Variants in ATP9B observed in about 807,000 individuals in gnomAD.
ATP9B encodes ATPase phospholipid transporting 9B.
Under a neutral mutation model 146.1 loss-of-function variants are expected in ATP9B, and 110 were observed. The observed-to-expected ratio is 0.75, with a 90% CI of 0.65 to 0.88. The LOEUF (loss-of-function observed/expected upper bound fraction) is 0.88, where lower values mean the gene tolerates loss of function less well. Among genes scored for constraint, ATP9B ranks in the 40% least tolerant of loss-of-function variants. ATP9B has a pLI of 0.00. For synonymous variants in ATP9B, 604 were observed against 569.7 expected, an observed-to-expected ratio of 1.06 and a Z score of -0.86; for missense variants, 1,499 against 1,496.4, an observed-to-expected ratio of 1.00 and a Z score of -0.03.
chr18:79,125,453 C>T (rs556559934), intron 4 of ATP9B, among the ~76,000 whole-genome samples: 1 of 152,246 alleles, frequency 6.6e-6, no homozygotes, highest in South Asian at 2.1e-4. Flanking sequence ...TTAATTTGGC[C>T]TATTGGTTAT....
chr18:79,296,374 A>T (rs575278123), intron 13 of ATP9B, among the ~76,000 whole-genome samples: 1 of 152,218 alleles, frequency 6.6e-6, no homozygotes, highest in East Asian at 1.9e-4. Flanking sequence ...TCAAAAATCA[A>T]TTACTGTAAA....
chr18:79,238,523 G>A (rs2095862555), intron 11 of ATP9B, among the ~76,000 whole-genome samples: 1 of 152,170 alleles, frequency 6.6e-6, no homozygotes, highest in Non-Finnish European at 1.5e-5. Context: ...CCCCCTCCGT[G>A]TACTCCCTGG....
Position 79,359,454 on chromosome 18 carries a change from C to T in ATP9B, c.3004C>T (p.Leu1002Phe), listed in dbSNP as rs1358576933. The T allele has an allele frequency of 2.5e-6, 4 of 1,613,216 alleles. No individual in the cohort carries two copies. The highest frequency in any genetic ancestry group is 1.1e-5 in the South Asian group (1 of 91,048). ...GCTCTACCCGGAGCTGTACAAGGAC[C>T]TCACCAAGGTACGGGCCTCAGGCAA... ...AMLYPELYKD[L>F]TKGRSLSFKT... The change falls in exon 26 of 30, where the codon CTC becomes TTC. Residue 1002 changes from leucine (L) to phenylalanine (F), a missense_variant. Transcript: ENST00000426216.
At chr18:79,154,590 A>G (rs762895570) in intron 7 of ATP9B, 35 bp downstream of exon 7, 4 of 1,409,306 alleles carry the variant, frequency 2.8e-6, no homozygotes, top group Non-Finnish European at 3.8e-6. Flanking sequence ...ACCTAACTGT[A>G]TATTATTGCA....
chr18:79,329,466 A>T (rs1645265649), intron 16 of ATP9B, among the ~76,000 whole-genome samples, 164 bp downstream of exon 16: 1 of 151,402 alleles, frequency 6.6e-6, no homozygotes, highest in South Asian at 2.1e-4. Flanking sequence ...CTAATAATCT[A>T]TATCTGGGAA....
chr18:79,129,035 A>G (rs551055455), intron 5 of ATP9B, among the ~76,000 whole-genome samples: 1 of 152,270 alleles, frequency 6.6e-6, no homozygotes, highest in Non-Finnish European at 1.5e-5. Flanking sequence ...TTCTGCCTCT[A>G]ACCAGTCGGG....
chr18:79,219,036 A>G (rs2095654452), intron 11 of ATP9B, among the ~76,000 whole-genome samples: 1 of 152,244 alleles, frequency 6.6e-6, no homozygotes. Flanking sequence ...CCAGGATAAG[A>G]ATAATGAATG....
At chr18:79,087,758 A>G (rs1402430919) in intron 1 of ATP9B, 5 of 152,306 alleles carry the variant, frequency 3.3e-5, no homozygotes, top group East Asian at 3.9e-4. Context: ...TGTGCCTTCC[A>G]GTACTTGAGA....
At chr18:79,080,880 G>A (rs1443464929) in intron 1 of ATP9B, among the ~76,000 whole-genome samples, 5 of 151,724 alleles carry the variant, frequency 3.3e-5, no homozygotes, top group African/African-American at 9.7e-5. Flanking sequence ...TGAGATAATC[G>A]TGGTTTTTGT....
chr18:79,259,392 A>G lies in ATP9B; in HGVS notation c.1268+5851A>G, dbSNP rs116620020. ...TACCATTGTAGTTGATAATGCAAAAACTGTCTTATCAGTGCTGGGTCAGAG... is the reference window on the plus strand; with the variant it reads ...TACCATTGTAGTTGATAATGCAAAAGCTGTCTTATCAGTGCTGGGTCAGAG... On this transcript the variant is annotated intron_variant, in intron 12 of 29. Transcript: ENST00000426216. 1.4e-3 allele frequency among the ~76,000 whole-genome samples: 205 copies of G among 151,716 alleles called. 1 individual carries two copies. The highest frequency in any genetic ancestry group is 4.8e-3 in the African/African-American group (197 of 41,288).
chr18:79,226,133 GC>G (rs988411045), intron 11 of ATP9B, among the ~76,000 whole-genome samples: 2 of 152,214 alleles, frequency 1.3e-5, no homozygotes, highest in African/African-American at 2.4e-5. Flanking sequence ...TGGCCGCTCT[GC>G]CGCCCTCTCT....
rs772906402 is a variant in ATP9B at position 79,193,218 on chromosome 18, G to A, written c.909G>A (p.Gln303=). The part of the protein sequence containing the change: ...LFSISAYVYA[Q]KPQMDIHSFE... ...CTATCAGTGCTTATGTTTATGCTCA[G>A]AAACCACAAATGGACATTCACAGTT... Residue 303 remains glutamine, a synonymous_variant, in exon 9 of 30, where the codon CAG becomes CAA. Coordinates refer to ENST00000426216, the MANE Select transcript of ATP9B (RefSeq NM_198531.5). 2.3e-5 allele frequency: 37 copies of A among 1,611,920 alleles called. No individual in the cohort carries two copies. Among genetic ancestry groups the A allele is most frequent in the Non-Finnish European group, 3.1e-5 (36 of 1,178,332 alleles).
At chr18:79,147,525 C>G (rs904824400) in intron 6 of ATP9B, among the ~76,000 whole-genome samples, 1 of 142,826 alleles carries the variant, frequency 7.0e-6, no homozygotes, top group Non-Finnish European at 1.5e-5. Flanking sequence ...AAATCAGTAA[C>G]CAAGGCAGCA....
chr18:79,289,127 A>C lies in ATP9B; in HGVS notation c.1411+11931A>C, dbSNP rs892782993. Among the ~76,000 whole-genome samples, 14 of 151,898 alleles carry C rather than the reference A, an allele frequency of 9.2e-5. No individual in the cohort carries two copies. The South Asian group carries it at 1.7e-3, about 18-fold the overall frequency. On this transcript the variant is annotated intron_variant, in intron 13 of 29. Transcript: ENST00000426216. ...CTCTTCTCGAGGAGTATCTTTGTGG[A>C]GTTCTCTGTATTTCCTGAATCTGAA...
In ATP9B at chr18:79,081,024, T is replaced by C. The variant is rs150649883; in HGVS notation, c.119+11495T>C. On this transcript the variant is annotated intron_variant, in intron 1 of 29. Coordinates refer to ENST00000426216, the MANE Select transcript of ATP9B (RefSeq NM_198531.5). Reference sequence around the variant, plus strand: ...TGTGCTGCTGGATTCGGTTTGCCAGTATTTTATTGAGGATTTTCACATTGA... The same window carrying C: ...TGTGCTGCTGGATTCGGTTTGCCAGCATTTTATTGAGGATTTTCACATTGA... 4.9e-3 allele frequency among the ~76,000 whole-genome samples: 742 copies of C among 152,354 alleles called. 5 individuals carry two copies. The highest frequency in any genetic ancestry group is 0.024 in the South Asian group (118 of 4,826).
Position 79,307,353 on chromosome 18 carries a change from A to G in ATP9B, c.1773+119A>G, listed in dbSNP as rs191456064. On this transcript the variant is annotated intron_variant, in intron 15 of 29. Transcript: ENST00000426216. ...GAGCAGTTTATCGTAGCTTTAATGT[A>G]TGTTTTAGCTGTATGTGGAAAACTG... 1,564 of 1,440,006 alleles carry G rather than the reference A, an allele frequency of 1.1e-3. 2 individuals are homozygous for G. Among genetic ancestry groups the G allele is most frequent in the Middle Eastern group, 1.2e-3 (5 of 4,170 alleles). The allele number at this position is 1,440,006 out of a possible 1,614,324, so 89.2% of individuals were successfully genotyped here. A position where few individuals can be genotyped will look rare whatever the true frequency, so the allele number is the denominator to read the frequency against.
chr18:79,129,354 T>A (rs1180922320), intron 5 of ATP9B, among the ~76,000 whole-genome samples: 1 of 152,128 alleles, frequency 6.6e-6, no homozygotes, highest in Non-Finnish European at 1.5e-5. Context: ...AGTCTTTCCC[T>A]CTGGCCAGTC....
intron 7 of ATP9B, among the ~76,000 whole-genome samples, chr18:79,170,127 C>T (rs1007588429): frequency 2.6e-5 from 4 of 152,170 alleles, no homozygotes; most frequent in Non-Finnish European, 2.9e-5. Flanking sequence ...TCTGGCTGAC[C>T]TTGGCTGCCA....
At chr18:79,374,188 T>C (rs1203073548) in intron 28 of ATP9B, 87 bp downstream of exon 28, 8 of 1,430,962 alleles carry the variant, frequency 5.6e-6, no homozygotes, top group East Asian at 2.5e-5. Flanking sequence ...ATACATTGTG[T>C]TAAGTTGTGG....
Sources: gnomAD v4.1 joint callset for allele counts (sites outside exome capture counted in the v4.1 genomes callset) on GRCh38, gnomAD v4.1.1 for gene constraint, MANE v1.5 for transcripts, NCBI Gene and HGNC (gene_info 2026-07-23, HGNC 2026-07-21) for gene names.